Variants in KTN1 observed in about 807,000 individuals in gnomAD.
KTN1 encodes the protein kinectin 1, also known as kinectin.
Under a neutral mutation model 222.5 loss-of-function variants are expected in KTN1, and 130 were observed. That is an observed-to-expected ratio of 0.58 (90% CI 0.51 to 0.68). The LOEUF (loss-of-function observed/expected upper bound fraction) is 0.68, where lower values mean the gene tolerates loss of function less well. Ranked by LOEUF, KTN1 falls within the 30% of genes least tolerant of loss-of-function variation. The pLI is 0.00. For missense variants in KTN1, 1,508 were observed against 1,500.4 expected (o/e 1.01, Z -0.08); for synonymous variants, 512 against 496.3 (o/e 1.03, Z -0.42).
At chr14:55,591,581 C>CTTTTTTTTTTTTTTTTTTT (rs71131297) in intron 1 of KTN1, among the ~76,000 whole-genome samples, 1 of 87,680 alleles carries the variant, frequency 1.1e-5, no homozygotes, top group African/African-American at 4.4e-5. Context: ...TTCTCTCTTT[C>CTTTTTTTTTTTTTTTTTTT]TTTTTTTTTT....
At chr14:55,593,655 C>G (rs1043836753) in intron 1 of KTN1, among the ~76,000 whole-genome samples, 4 of 151,930 alleles carry the variant, frequency 2.6e-5, no homozygotes, top group Non-Finnish European at 5.9e-5. Flanking sequence ...AAAATACTTG[C>G]AAAGCACTTG....
At chr14:55,616,713 AGGACCCT>A in intron 3 of KTN1, 59 bp downstream of exon 3, 2 of 1,407,760 alleles carry the variant, frequency 1.4e-6, no homozygotes, top group Non-Finnish European at 1.9e-6. Flanking sequence ...CACCAGCACA[AGGACCCT>A]GGAATCTCAC....
At chr14:55,610,693 T>C (rs1355993025) in intron 1 of KTN1, among the ~76,000 whole-genome samples, 1 of 151,944 alleles carries the variant, frequency 6.6e-6, no homozygotes, top group East Asian at 1.9e-4. Flanking sequence ...CCTTGTCTTT[T>C]TCTACAACAC....
chr14:55,613,145 GCGTTTTCGAGGTAGT>G (rs1479241335), intron 2 of KTN1, among the ~76,000 whole-genome samples: 2 of 152,158 alleles, frequency 1.3e-5, no homozygotes, highest in Admixed American at 1.3e-4. Flanking sequence ...GATGAATAGT[GCGTTTTCGAGGTAGT>G]CGTGTGCTAG....
chr14:55,640,547 T>C lies in KTN1; in HGVS notation c.1983+105T>C, dbSNP rs2041673375. 7 of 752,780 alleles carry C rather than the reference T, an allele frequency of 9.3e-6. No individual in the cohort carries two copies. In the Admixed American group the frequency reaches 1.7e-4, roughly 19 times the overall value. The allele number at this position is 752,780 out of a possible 1,614,324, so 46.6% of individuals were successfully genotyped here. ...AATTTGATTGTGTAAGTAAAAAATATAATGGTTTATCATCTTTGGCTGCAT... is the reference window on the plus strand; with the variant it reads ...AATTTGATTGTGTAAGTAAAAAATACAATGGTTTATCATCTTTGGCTGCAT... On this transcript the variant is annotated intron_variant, in intron 15 of 43. Coordinates refer to ENST00000395314, the MANE Select transcript of KTN1 (RefSeq NM_001079521.2).
chr14:55,647,269 A>G (rs2042458577), intron 19 of KTN1, among the ~76,000 whole-genome samples: 1 of 152,210 alleles, frequency 6.6e-6, no homozygotes, highest in African/African-American at 2.4e-5. Context: ...GATCCCTAGA[A>G]GCCTTTCTAG....
chr14:55,633,821 G>A (rs900935171), intron 8 of KTN1, among the ~76,000 whole-genome samples: 2 of 152,022 alleles, frequency 1.3e-5, no homozygotes, highest in Admixed American at 6.6e-5. Context: ...TGACTCTGAG[G>A]TAGAGCCCAG....
chr14:55,673,085 A>G (rs2045587643), intron 39 of KTN1, 73 bp downstream of exon 39: 1 of 1,500,234 alleles, frequency 6.7e-7, no homozygotes, highest in Admixed American at 1.7e-5. Flanking sequence ...ATTTCAGTAT[A>G]AGTTGTTTGT....
intron 31 of KTN1, among the ~76,000 whole-genome samples, chr14:55,660,252 C>T (rs2043975662): frequency 6.6e-6 from 1 of 152,064 alleles, no homozygotes; most frequent in South Asian, 2.1e-4. Flanking sequence ...ATGGCATGCA[C>T]CTGTGGTCCC....
chr14:55,679,600 A>G lies in KTN1; in HGVS notation c.3984A>G (p.Leu1328=), dbSNP rs2046188404. ...SSEKETMSVS[L]NQTVTQLQQL... Reference sequence around the variant, plus strand: ...AGAAGGAGACAATGTCTGTAAGTCTAAATCAGACTGTAACACAGTTACAGC... The same window carrying G: ...AGAAGGAGACAATGTCTGTAAGTCTGAATCAGACTGTAACACAGTTACAGC... The change falls in exon 43 of 44, where the codon CTA becomes CTG. Residue 1328 remains leucine (L), a synonymous_variant. Coordinates refer to ENST00000395314, the MANE Select transcript of KTN1 (RefSeq NM_001079521.2). 1.9e-6 allele frequency: 3 copies of G among 1,611,134 alleles called. No individual in the cohort carries two copies. Among genetic ancestry groups the G allele is most frequent in the Non-Finnish European group, 2.5e-6 (3 of 1,177,292 alleles).
chr14:55,664,412 T>C (rs763650254), intron 33 of KTN1, among the ~76,000 whole-genome samples: 1 of 152,166 alleles, frequency 6.6e-6, no homozygotes, highest in Non-Finnish European at 1.5e-5. Context: ...ATATGTAGGA[T>C]GTGCCATAAA....
chr14:55,665,528 G>T (rs940678610), intron 33 of KTN1, among the ~76,000 whole-genome samples: 1 of 152,004 alleles, frequency 6.6e-6, no homozygotes, highest in African/African-American at 2.4e-5. Flanking sequence ...GATGTTGATT[G>T]ACCCAGTGCC....
At chr14:55,643,678 A>G (rs537904375) in intron 18 of KTN1, among the ~76,000 whole-genome samples, 4 of 152,220 alleles carry the variant, frequency 2.6e-5, no homozygotes, top group Non-Finnish European at 5.9e-5. Context: ...TTTGCTAAAA[A>G]TGGTATTTTC....
intron 1 of KTN1, among the ~76,000 whole-genome samples, chr14:55,600,708 C>T (rs545824966): frequency 2.0e-5 from 3 of 151,936 alleles, no homozygotes; most frequent in Admixed American, 2.0e-4. Flanking sequence ...AGCTGTTTTA[C>T]GGTATGAATT....
intron 6 of KTN1, among the ~76,000 whole-genome samples, chr14:55,629,706 A>G (rs2040296239): frequency 6.6e-6 from 1 of 152,240 alleles, no homozygotes; most frequent in South Asian, 2.1e-4. Flanking sequence ...ATAATAAACT[A>G]GAAAGTGCAT....
chr14:55,674,389 T>C (rs2045716530), intron 40 of KTN1: 1 of 152,066 alleles, frequency 6.6e-6, no homozygotes, highest in Non-Finnish European at 1.5e-5. Flanking sequence ...GTTTAGGATT[T>C]TGGAGCATTT....
chr14:55,656,133 G>A lies in KTN1; in HGVS notation c.2892+1G>A, dbSNP rs2043441263. Reference sequence around the variant, plus strand: ...TTCTAGCAAAACACAGCTGTTACAGGTGAATATGGTGACTTAAAATTAATT... The same window carrying A: ...TTCTAGCAAAACACAGCTGTTACAGATGAATATGGTGACTTAAAATTAATT... On this transcript the variant is annotated splice_donor_variant, in intron 29 of 43. Coordinates refer to ENST00000395314, the MANE Select transcript of KTN1 (RefSeq NM_001079521.2). LOFTEE classifies it high-confidence loss of function. The A allele has an allele frequency of 6.4e-7, 1 of 1,564,370 alleles. No individual in the cohort carries two copies. Among genetic ancestry groups the A allele is most frequent in the Non-Finnish European group, 8.8e-7 (1 of 1,137,108 alleles).
At chr14:55,643,171 A>C (rs546102050) in intron 18 of KTN1, among the ~76,000 whole-genome samples, 117 of 152,244 alleles carry the variant, frequency 7.7e-4, no homozygotes, top group Admixed American at 1.2e-3. Flanking sequence ...CGGCCTCCCA[A>C]AGTGCTGGGA....
chr14:55,616,225 C>G (rs2038372840), intron 2 of KTN1, among the ~76,000 whole-genome samples: 1 of 152,086 alleles, frequency 6.6e-6, no homozygotes, highest in African/African-American at 2.4e-5. Flanking sequence ...GCTGGGATTA[C>G]AGGTGTGAGC....
Sources: gnomAD v4.1 joint callset for allele counts (sites outside exome capture counted in the v4.1 genomes callset) on GRCh38, gnomAD v4.1.1 for gene constraint, MANE v1.5 for transcripts, NCBI Gene and HGNC (gene_info 2026-07-23, HGNC 2026-07-21) for gene names.